The following THSD7B variants were observed in gnomAD, a reference collection of about 807,000 sequenced individuals.
The protein encoded by THSD7B is thrombospondin type 1 domain containing 7B.
Under a neutral mutation model 213.6 loss-of-function variants are expected in THSD7B, and 138 were observed. The observed-to-expected ratio is 0.65, with a 90% CI of 0.56 to 0.74. THSD7B has a LOEUF of 0.74. Ranked by LOEUF, THSD7B falls within the 30% of genes least tolerant of loss-of-function variation. The pLI, the probability that THSD7B is intolerant of heterozygous loss-of-function variation, is 0.00. For missense variants in THSD7B, 1,931 were observed against 1,991.5 expected, an observed-to-expected ratio of 0.97 and a Z score of 0.58; for synonymous variants, 742 against 687.0, an observed-to-expected ratio of 1.08 and a Z score of -1.25.
At chr2:136,893,853 C>T (rs187504307) in intron 2 of THSD7B, among the ~76,000 whole-genome samples, 22 of 152,306 alleles carry the variant, frequency 1.4e-4, no homozygotes, top group Admixed American at 1.4e-3. Flanking sequence ...TTTAACATCA[C>T]TCATACTTAT....
chr2:137,527,121 G>A (rs748192756), intron 15 of THSD7B, among the ~76,000 whole-genome samples: 1 of 152,112 alleles, frequency 6.6e-6, no homozygotes, highest in Non-Finnish European at 1.5e-5. Context: ...AATGACTGTG[G>A]CTATATGTGC....
At chr2:137,282,554 T>A (rs997122481) in intron 12 of THSD7B, among the ~76,000 whole-genome samples, 1 of 152,230 alleles carries the variant, frequency 6.6e-6, no homozygotes, top group Admixed American at 6.5e-5. Context: ...CATTTAAGTC[T>A]TTAATCAATC....
At chr2:137,402,838 T>A (rs982734306) in intron 12 of THSD7B, among the ~76,000 whole-genome samples, 60 of 151,244 alleles carry the variant, frequency 4.0e-4, no homozygotes, top group African/African-American at 1.3e-3. Flanking sequence ...AAAAAAAGGT[T>A]TGAATTTCAC....
At chr2:137,302,310 C>G (rs1683625821) in intron 12 of THSD7B, among the ~76,000 whole-genome samples, 1 of 152,002 alleles carries the variant, frequency 6.6e-6, no homozygotes, top group African/African-American at 2.4e-5. Flanking sequence ...GGAGAAGATG[C>G]CAGTGGTGCA....
intron 4 of THSD7B, among the ~76,000 whole-genome samples, chr2:137,099,493 T>A (rs987743428): frequency 6.6e-6 from 1 of 152,196 alleles, no homozygotes; most frequent in African/African-American, 2.4e-5. Context: ...ATTCCAGATC[T>A]CTTGCGCTTT....
intron 2 of THSD7B, among the ~76,000 whole-genome samples, chr2:136,901,806 G>A (rs2105012971): frequency 6.6e-6 from 1 of 152,304 alleles, no homozygotes; most frequent in African/African-American, 2.4e-5. Context: ...CTTGTATTCA[G>A]CATTAAAGCC....
rs191232855 is a variant in THSD7B at position 137,297,005 on chromosome 2, C to G, written c.2500+20979C>G. On this transcript the variant is annotated intron_variant, in intron 12 of 27. Transcript: ENST00000409968. The stretch of plus-strand genomic sequence containing the variant: ...TGCTTTGCCTTTTCTATTTTTGTCT[C>G]CAGTGAACTGCTTTTTTTATTCTTA... Among the ~76,000 whole-genome samples, 283 of 151,384 alleles carry G rather than the reference C, an allele frequency of 1.9e-3. 1 individual carries two copies. Among genetic ancestry groups the G allele is most frequent in the Non-Finnish European group, 2.7e-3 (181 of 67,896 alleles).
intron 12 of THSD7B, among the ~76,000 whole-genome samples, chr2:137,313,477 CT>C (rs1683979843): frequency 6.6e-6 from 1 of 151,658 alleles, no homozygotes; most frequent in African/African-American, 2.4e-5. Context: ...CAGTCTGTGT[CT>C]TTTAATTGGA....
intron 2 of THSD7B, among the ~76,000 whole-genome samples, chr2:137,017,435 C>G (rs1284872598): frequency 6.6e-6 from 1 of 152,036 alleles, no homozygotes; most frequent in Non-Finnish European, 1.5e-5. Context: ...CCAGGACAAG[C>G]AGAGGAGAAG....
chr2:137,426,702 CAAAG>C (rs1687062393), intron 14 of THSD7B, among the ~76,000 whole-genome samples: 1 of 152,036 alleles, frequency 6.6e-6, no homozygotes, highest in African/African-American at 2.4e-5. Flanking sequence ...TAAAACTACT[CAAAG>C]AAGACATAAG....
At chr2:137,211,585 T>C (rs1681113634) in intron 7 of THSD7B, among the ~76,000 whole-genome samples, 1 of 151,822 alleles carries the variant, frequency 6.6e-6, no homozygotes. Context: ...ATGATCTTAG[T>C]TAGGATGACA....
chr2:137,304,101 C>G (rs1683681295), intron 12 of THSD7B, among the ~76,000 whole-genome samples: 1 of 151,934 alleles, frequency 6.6e-6, no homozygotes, highest in Non-Finnish European at 1.5e-5. Context: ...ATGATGTTTT[C>G]CAGCTTGATT....
At chr2:137,638,238 C>T (rs1024080894) in intron 20 of THSD7B, among the ~76,000 whole-genome samples, 7 of 152,156 alleles carry the variant, frequency 4.6e-5, no homozygotes, top group South Asian at 2.1e-4. Flanking sequence ...AGAATTCCCA[C>T]GTGTTGTAGG....
At chr2:136,813,788 T>G (rs1477399336) in intron 1 of THSD7B, among the ~76,000 whole-genome samples, 1 of 152,220 alleles carries the variant, frequency 6.6e-6, no homozygotes, top group Non-Finnish European at 1.5e-5. Context: ...AAGTTATTTC[T>G]CTGCTTGTGA....
At chr2:137,438,032 G>A (rs544569305) in intron 14 of THSD7B, among the ~76,000 whole-genome samples, 2 of 152,236 alleles carry the variant, frequency 1.3e-5, no homozygotes, top group South Asian at 4.1e-4. Context: ...CTCATACACT[G>A]AAGATGTTAT....
chr2:137,280,926 C>G (rs1360789811), intron 12 of THSD7B, among the ~76,000 whole-genome samples: 1 of 152,084 alleles, frequency 6.6e-6, no homozygotes, highest in Non-Finnish European at 1.5e-5. Flanking sequence ...TTAAAGCTGA[C>G]TTAATGGACT....
At chr2:137,365,332 C>A (rs916172829) in intron 12 of THSD7B, among the ~76,000 whole-genome samples, 1 of 152,180 alleles carries the variant, frequency 6.6e-6, no homozygotes, top group East Asian at 1.9e-4. Flanking sequence ...TAGGCATGGG[C>A]AAGGACTTCA....
intron 2 of THSD7B, chr2:136,906,524 C>T (rs999347055): frequency 6.6e-6 from 1 of 151,964 alleles, no homozygotes; most frequent in Non-Finnish European, 1.5e-5. Flanking sequence ...TTTTTAGGAT[C>T]ATTTTTATAA....
intron 15 of THSD7B, among the ~76,000 whole-genome samples, chr2:137,518,265 C>A (rs1218722849): frequency 6.6e-6 from 1 of 152,108 alleles, no homozygotes; most frequent in Non-Finnish European, 1.5e-5. Flanking sequence ...CACAGATGAT[C>A]CTGCACCACC....
Sources: gnomAD v4.1 joint callset for allele counts (sites outside exome capture counted in the v4.1 genomes callset) on GRCh38, gnomAD v4.1.1 for gene constraint, MANE v1.5 for transcripts, NCBI Gene and HGNC (gene_info 2026-07-23, HGNC 2026-07-21) for gene names.